The following PNPLA6 variants were observed in gnomAD, a reference collection of about 807,000 sequenced individuals.
The protein encoded by PNPLA6 is patatin-like phospholipase domain-containing protein 6.
Under a neutral mutation model 153.7 loss-of-function variants are expected in PNPLA6, and 105 were observed. The ratio of observed to expected loss-of-function variants is 0.68; its 90% CI spans 0.58 to 0.80. PNPLA6 has a LOEUF of 0.80. Ranked by LOEUF, PNPLA6 falls within the 30% of genes least tolerant of loss-of-function variation. The probability of loss-of-function intolerance (pLI) is 0.00; values close to 1 mark genes in which losing one functional copy is unlikely to be tolerated. For synonymous variants in PNPLA6, 825 were observed against 822.2 expected (o/e 1.00, Z -0.06); for missense variants, 1,423 against 1,919.3 (o/e 0.74, Z 4.83).
chr19:7,541,894 T>TA lies in PNPLA6; in HGVS notation c.1169-88dup. 8.0e-7 allele frequency: 1 copy of TA among 1,243,162 alleles called. No individual in the cohort carries two copies. The highest frequency in any genetic ancestry group is 1.2e-5 in the South Asian group (1 of 83,808). 77.0% of individuals were successfully genotyped at this position (1,243,162 alleles called of 1,614,324 possible). A position where few individuals can be genotyped will look rare whatever the true frequency, so the allele number is the denominator to read the frequency against. On this transcript the variant is annotated intron_variant, in intron 9 of 31. Coordinates refer to ENST00000600737, the MANE Select transcript of PNPLA6 (RefSeq NM_001166114.2). The surrounding 1 kb of genome is among the most constrained non-coding windows in gnomAD (Gnocchi z 5.2). The stretch of plus-strand genomic sequence containing the variant: ...GCCCATTGGAATTGCTTTAACTAGT[T>TA]AATCAGTCGCCAGCATCTCCTTATC...
chr19:7,560,321 G>C (rs1040252043), intron 28 of PNPLA6, among the ~76,000 whole-genome samples: 2 of 152,114 alleles, frequency 1.3e-5, no homozygotes, highest in African/African-American at 2.4e-5. Context: ...CTGTGGGCTT[G>C]GGGATGGCGA....
intron 10 of PNPLA6, 58 bp downstream of exon 10, chr19:7,542,125 C>T: frequency 7.5e-7 from 1 of 1,326,316 alleles, no homozygotes; most frequent in Admixed American, 1.7e-5. Context: ...GAATCCAGGT[C>T]CACCGCCTGC....
At chr19:7,554,391 C>T (rs2023780098) in intron 20 of PNPLA6, 119 bp downstream of exon 20, 2 of 1,232,420 alleles carry the variant, frequency 1.6e-6, no homozygotes, top group Non-Finnish European at 2.4e-6. Flanking sequence ...ACCCATAGGT[C>T]AATGGGGAGA....
chr19:7,536,825 G>T (rs951232720), intron 3 of PNPLA6, among the ~76,000 whole-genome samples: 1 of 151,630 alleles, frequency 6.6e-6, no homozygotes, highest in Non-Finnish European at 1.5e-5. Context: ...TACTCAGAAG[G>T]GTGAGACAGG....
intron 20 of PNPLA6, 122 bp downstream of exon 20, chr19:7,554,394 TG>T (rs2023780335): frequency 1.6e-6 from 2 of 1,233,622 alleles, no homozygotes; most frequent in Non-Finnish European, 2.4e-6. Context: ...CATAGGTCAA[TG>T]GGGAGATTCG....
At position 7,540,529 on chromosome 19, in the gene PNPLA6, G is replaced by A; in HGVS notation, c.715-101G>A. 1 of 1,102,790 alleles carries A rather than the reference G, an allele frequency of 9.1e-7. No individual in the cohort carries two copies. 68.3% of individuals were successfully genotyped at this position (1,102,790 alleles called of 1,614,324 possible). ...TGGAAGGGTTGGTGGGTTCCCCTGA[G>A]AAGGGATGAGAAGTGTCAGTGATCA... On this transcript the variant is annotated intron_variant, in intron 5 of 31. Transcript: ENST00000600737. This position sits in a 1 kb window ranked among gnomAD's most constrained non-coding sequence, Gnocchi z 6.8.
chr19:7,560,497 G>A (rs1373203878), intron 28 of PNPLA6, 151 bp from the exon 29 acceptor site: 2 of 704,464 alleles, frequency 2.8e-6, no homozygotes, highest in Non-Finnish European at 5.2e-6. Flanking sequence ...GTAGGCGAGT[G>A]TGCTATGTGC....
intron 2 of PNPLA6, 85 bp downstream of exon 2, chr19:7,536,358 C>A: frequency 7.1e-7 from 1 of 1,413,674 alleles, no homozygotes; most frequent in Non-Finnish European, 1.0e-6. Context: ...TCCGCCACCG[C>A]TCCTTCCTTG....
chr19:7,556,812 CGTT>C, intron 26 of PNPLA6, 88 bp downstream of exon 26: 3 of 979,800 alleles, frequency 3.1e-6, no homozygotes, highest in Non-Finnish European at 5.0e-6. Flanking sequence ...GCTTCTGGGA[CGTT>C]GTTAACACGA....
intron 28 of PNPLA6, 106 bp from the exon 29 acceptor site, chr19:7,560,542 A>G: frequency 1.2e-6 from 1 of 809,878 alleles, no homozygotes; most frequent in Non-Finnish European, 2.2e-6. Flanking sequence ...CTCAAATGCA[A>G]CTCCCCCAGA....
chr19:7,540,566 G>A lies in PNPLA6; in HGVS notation c.715-64G>A. The A allele has an allele frequency of 2.3e-6, 3 of 1,298,214 alleles. No individual in the cohort carries two copies. The highest frequency in any genetic ancestry group is 1.4e-5 in the African/African-American group (1 of 69,054). 80.4% of individuals were successfully genotyped at this position (1,298,214 alleles called of 1,614,324 possible). A position where few individuals can be genotyped will look rare whatever the true frequency, so the allele number is the denominator to read the frequency against. ...AGTGTCAGTGATCATTGGGATGGAT[G>A]AGGGGGCGACATGCCAGTCACCAGG... is the stretch of plus-strand genomic sequence containing the variant. On this transcript the variant is annotated intron_variant, in intron 5 of 31. Transcript: ENST00000600737. The surrounding 1 kb of genome is among the most constrained non-coding windows in gnomAD (Gnocchi z 6.8).
chr19:7,556,978 G>C, intron 26 of PNPLA6, 190 bp from the exon 27 acceptor site: 1 of 716,178 alleles, frequency 1.4e-6, no homozygotes, highest in Non-Finnish European at 2.5e-6. Context: ...TGTGTGTGGC[G>C]TTACGTCCGG....
chr19:7,539,368 A>G (rs2023015293), intron 3 of PNPLA6, among the ~76,000 whole-genome samples: 1 of 151,972 alleles, frequency 6.6e-6, no homozygotes, highest in Non-Finnish European at 1.5e-5. Context: ...AGTCCCAGCT[A>G]CTTGGGAGGC....
rs1486018644 is a variant in PNPLA6 at position 7,554,275 on chromosome 19, G to A, written c.2465+3G>A. The stretch of plus-strand genomic sequence containing the variant: ...CTGGGGGCCTCCGCACTGGATAGGT[G>A]TGTGTTGCAGAAGGGAGTGGGGAGG... On this transcript the variant is annotated splice_donor_region_variant and intron_variant, in intron 20 of 31. Transcript: ENST00000600737. The A allele has an allele frequency of 1.9e-6, 3 of 1,613,000 alleles. No individual in the cohort carries two copies. The highest frequency in any genetic ancestry group is 2.5e-6 in the Non-Finnish European group (3 of 1,178,984).
rs749392504 is a variant in PNPLA6 at position 7,559,170 on chromosome 19, C to T, written c.3699+19C>T. 4.7e-5 allele frequency: 76 copies of T among 1,608,568 alleles called. No individual in the cohort carries two copies. Among genetic ancestry groups the T allele is most frequent in the Non-Finnish European group, 6.1e-5 (72 of 1,175,006 alleles). On this transcript the variant is annotated intron_variant, in intron 28 of 31. Transcript: ENST00000600737. ...GATCTATGTGAGTGGGCAGGAGTGG[C>T]ATGGTGCCTGCATAGGTGGTCCGGC...
At chr19:7,557,471 C>T (rs902062927) in intron 27 of PNPLA6, 187 bp downstream of exon 27, 5 of 658,848 alleles carry the variant, frequency 7.6e-6, no homozygotes, top group Non-Finnish European at 1.1e-5. Flanking sequence ...TGCCTGTGGA[C>T]AGCGACATGT....
At position 7,541,464 on chromosome 19, in the gene PNPLA6, G is replaced by A. The variant is rs1203565680; in HGVS notation, c.1005+30G>A. The stretch of plus-strand genomic sequence containing the variant: ...GTGGGTGGCGGGGAGCGAGCACAGG[G>A]GGGATGGGGGCGAGGTCTCCCTCCC... On this transcript the variant is annotated intron_variant, in intron 8 of 31. Coordinates refer to ENST00000600737, the MANE Select transcript of PNPLA6 (RefSeq NM_001166114.2). This position sits in a 1 kb window ranked among gnomAD's most constrained non-coding sequence, Gnocchi z 5.2. The A allele has an allele frequency of 1.2e-6, 2 of 1,612,670 alleles. No homozygotes were observed. The highest frequency in any genetic ancestry group is 1.1e-5 in the South Asian group (1 of 90,994).
intron 10 of PNPLA6, 136 bp downstream of exon 10, chr19:7,542,203 A>C (rs940043273): frequency 1.4e-6 from 1 of 710,722 alleles, no homozygotes; most frequent in East Asian, 2.7e-5. Context: ...TGTTTTGTAG[A>C]TATTCATTGA....
At chr19:7,552,816 A>C (rs1380207677) in intron 18 of PNPLA6, among the ~76,000 whole-genome samples, 2 of 151,942 alleles carry the variant, frequency 1.3e-5, no homozygotes, top group Admixed American at 1.3e-4. Context: ...ACAGATAGAG[A>C]ATACAATATC....
Sources: gnomAD v4.1 joint callset for allele counts (sites outside exome capture counted in the v4.1 genomes callset) on GRCh38, gnomAD v4.1.1 for gene constraint, Gnocchi (gnomAD v3.1) non-coding constraint, MANE v1.5 for transcripts, NCBI Gene and HGNC (gene_info 2026-07-23, HGNC 2026-07-21) for gene names.